The following NLGN4X variants were observed in gnomAD, a reference collection of about 807,000 sequenced individuals.
The protein encoded by NLGN4X is neuroligin-4, X-linked.
A neutral mutation model predicts 40.3 loss-of-function variants in NLGN4X; 3 were observed. The ratio of observed to expected loss-of-function variants is 0.07; its 90% confidence interval spans 0.03 to 0.19. The LOEUF is 0.19. Among genes scored for constraint, NLGN4X ranks in the 10% least tolerant of loss-of-function variants. NLGN4X has a pLI of 1.00. For synonymous variants in NLGN4X, 270 were observed against 306.8 expected (o/e 0.88, Z 1.25); for missense variants, 382 against 708.3 (o/e 0.54, Z 5.23).
chrX:6,120,364 T>A (rs2039396674), intron 2 of NLGN4X, among the ~76,000 whole-genome samples: 1 of 111,659 alleles, frequency 9.0e-6, no homozygotes, highest in African/African-American at 3.3e-5. Context: ...AAAAATTTCT[T>A]TGTTGAATTA....
intron 3 of NLGN4X, among the ~76,000 whole-genome samples, chrX:5,983,078 T>C (rs770636077): frequency 8.9e-6 from 1 of 112,352 alleles, no homozygotes; most frequent in Non-Finnish European, 1.9e-5. Flanking sequence ...TACTTGCCTT[T>C]AACATTTTCC....
Position 6,228,803 on chromosome X carries a change from G to C in NLGN4X, c.-568C>G, listed in dbSNP as rs748804240. ...AAGCATTACAATTGAAGCAGGAAGG[G>C]CCAAGCTAGTGGCTGAATAAGAGCT... On this transcript the variant is annotated 5_prime_UTR_variant, in exon 1 of 6. Transcript: ENST00000381095. 1 of 111,952 alleles carries C rather than the reference G, an allele frequency of 8.9e-6. No homozygotes were observed. Among genetic ancestry groups the C allele is most frequent in the African/African-American group, 3.3e-5 (1 of 30,755 alleles). The allele number at this position is 111,952 out of a possible 1,213,427, so 9.2% of individuals were successfully genotyped here. A position where few individuals can be genotyped will look rare whatever the true frequency, so the allele number is the denominator to read the frequency against.
intron 1 of NLGN4X, among the ~76,000 whole-genome samples, chrX:6,154,897 C>T (rs2040232335): frequency 1.8e-5 from 2 of 111,878 alleles, no homozygotes; most frequent in African/African-American, 6.5e-5. Flanking sequence ...TCACACTCTT[C>T]AGGCCTATCA....
chrX:5,919,038 G>A (rs1194157563), intron 3 of NLGN4X, among the ~76,000 whole-genome samples: 1 of 111,958 alleles, frequency 8.9e-6, no homozygotes, highest in African/African-American at 3.2e-5. Context: ...AAATAGCTGG[G>A]GCTAAGATTT....
rs757579409 is a variant in NLGN4X at position 5,892,047 on chromosome X, G to A, written c.*770C>T. 8 of 115,116 alleles carry A rather than the reference G, an allele frequency of 6.9e-5. No individual in the cohort carries two copies. Among genetic ancestry groups the A allele is most frequent in the African/African-American group, 1.0e-4 (3 of 30,133 alleles). The allele number at this position is 115,116 out of a possible 1,213,427, so 9.5% of individuals were successfully genotyped here. A position where few individuals can be genotyped will look rare whatever the true frequency, so the allele number is the denominator to read the frequency against. On this transcript the variant is annotated 3_prime_UTR_variant, in exon 6 of 6. Transcript: ENST00000381095. ...ATATGACTAATGTGTGTGTGTGTGTGTATATATATATATATTTATATACGT... is the reference window on the plus strand; with the variant it reads ...ATATGACTAATGTGTGTGTGTGTGTATATATATATATATATTTATATACGT...
intron 3 of NLGN4X, among the ~76,000 whole-genome samples, chrX:5,996,481 C>A (rs2035820997): frequency 9.1e-6 from 1 of 110,034 alleles, no homozygotes; most frequent in South Asian, 3.7e-4. Context: ...TAATGAACAG[C>A]CAGCCCCTTG....
In NLGN4X at chrX:6,127,637, T is replaced by G. The variant is rs1212256032; in HGVS notation, c.472+23358A>C. Among the ~76,000 whole-genome samples, 14 of 112,161 alleles carry G rather than the reference T, an allele frequency of 1.2e-4. No individual in the cohort carries two copies. The Admixed American group carries it at 1.3e-3, about 11-fold the overall frequency. Reference sequence around the variant, plus strand: ...AGAAAAAAAAGAATACATTGCTTCCTTCATGTGTCAAAGCAATGTTCCCCT... The same window carrying G: ...AGAAAAAAAAGAATACATTGCTTCCGTCATGTGTCAAAGCAATGTTCCCCT... On this transcript the variant is annotated intron_variant, in intron 2 of 5. Transcript: ENST00000381095.
Position 5,890,647 on chromosome X carries a change from C to T in NLGN4X, c.*2170G>A. 1 of 324,477 alleles carries T rather than the reference C, an allele frequency of 3.1e-6. No homozygotes were observed. The highest frequency in any genetic ancestry group is 2.7e-5 in the South Asian group (1 of 37,248). The allele number at this position is 324,477 out of a possible 1,213,427, so 26.7% of individuals were successfully genotyped here. ...GCTTGCAGAAATGGCCTGATCATAGCTCTATGAAACAATGAATTCGGAATG... is the reference window on the plus strand; with the variant it reads ...GCTTGCAGAAATGGCCTGATCATAGTTCTATGAAACAATGAATTCGGAATG... On this transcript the variant is annotated 3_prime_UTR_variant, in exon 6 of 6. Transcript: ENST00000381095.
chrX:6,037,305 C>CAA (rs113525865), intron 2 of NLGN4X, among the ~76,000 whole-genome samples: 4 of 98,014 alleles, frequency 4.1e-5, no homozygotes, highest in African/African-American at 1.5e-4. Context: ...GACCTTATCA[C>CAA]AAAAAAAAAT....
chrX:5,922,589 G>A (rs918252276), intron 3 of NLGN4X, among the ~76,000 whole-genome samples: 3 of 111,687 alleles, frequency 2.7e-5, no homozygotes, highest in Non-Finnish European at 5.6e-5. Context: ...AAGGCAGGGC[G>A]CAGTGGCTCA....
chrX:5,938,337 G>A (rs1306190421), intron 3 of NLGN4X, among the ~76,000 whole-genome samples: 1 of 111,110 alleles, frequency 9.0e-6, no homozygotes, highest in Admixed American at 9.6e-5. Context: ...TAGGGACAGT[G>A]ATCAAAAGTC....
At chrX:6,112,613 T>C (rs2147533467) in intron 2 of NLGN4X, among the ~76,000 whole-genome samples, 1 of 105,890 alleles carries the variant, frequency 9.4e-6, no homozygotes, top group East Asian at 3.0e-4. Context: ...AGATGGAGTC[T>C]CGCTCTATCA....
chrX:5,897,075 C>T (rs925888132), intron 5 of NLGN4X, among the ~76,000 whole-genome samples: 1 of 111,740 alleles, frequency 8.9e-6, no homozygotes, highest in African/African-American at 3.3e-5. Flanking sequence ...GCCGTACAAA[C>T]CCCAGACTCG....
At chrX:6,123,752 A>G (rs1320389888) in intron 2 of NLGN4X, among the ~76,000 whole-genome samples, 5 of 92,584 alleles carry the variant, frequency 5.4e-5, no homozygotes, top group Non-Finnish European at 8.5e-5. Flanking sequence ...AACTATAAGG[A>G]AAAAAAAACA....
intron 3 of NLGN4X, among the ~76,000 whole-genome samples, chrX:5,925,615 C>A (rs2033237778): frequency 9.3e-6 from 1 of 107,583 alleles, no homozygotes. Flanking sequence ...CTGAAGAACA[C>A]CCCATGTTCT....
At chrX:6,124,163 T>C (rs1209999708) in intron 2 of NLGN4X, among the ~76,000 whole-genome samples, 3 of 110,860 alleles carry the variant, frequency 2.7e-5, no homozygotes, top group African/African-American at 9.8e-5. Context: ...GAATGGAAGA[T>C]TAAAAAGGTG....
At chrX:6,054,372 C>T (rs1169015301) in intron 2 of NLGN4X, among the ~76,000 whole-genome samples, 1 of 110,986 alleles carries the variant, frequency 9.0e-6, no homozygotes, top group Non-Finnish European at 1.9e-5. Context: ...CCCAGCACTT[C>T]GGAAGAACTA....
At chrX:5,985,212 G>A (rs1467971361) in intron 3 of NLGN4X, among the ~76,000 whole-genome samples, 1 of 111,393 alleles carries the variant, frequency 9.0e-6, no homozygotes, top group Non-Finnish European at 1.9e-5. Context: ...AACATCTAGT[G>A]TAGAGGGAGA....
chrX:5,991,638 A>G, intron 3 of NLGN4X: 1 of 419,392 alleles, frequency 2.4e-6, no homozygotes, highest in Non-Finnish European at 4.4e-6. Context: ...CATGAAGATT[A>G]CATCCATCAG....
Sources: gnomAD v4.1 joint callset for allele counts (sites outside exome capture counted in the v4.1 genomes callset) on GRCh38, gnomAD v4.1.1 for gene constraint, MANE v1.5 for transcripts, NCBI Gene and HGNC (gene_info 2026-07-23, HGNC 2026-07-21) for gene names.